The following GKAP1 variants were observed in gnomAD, a reference collection of about 807,000 sequenced individuals.
The protein encoded by GKAP1 is G kinase-anchoring protein 1.
A neutral mutation model predicts 56.7 loss-of-function variants in GKAP1; 31 were observed. That is an observed-to-expected ratio of 0.55 (90% CI 0.41 to 0.74). GKAP1 has a LOEUF of 0.74. GKAP1 is among the 30% of genes least tolerant of loss of function. The pLI is 0.00. For synonymous variants in GKAP1, 151 were observed against 138.6 expected (o/e 1.09, Z -0.63); for missense variants, 364 against 402.3 (o/e 0.90, Z 0.82).
intron 2 of GKAP1, among the ~76,000 whole-genome samples, chr9:83,807,067 AAAATAAAGAGCTT>A (rs1449457430): frequency 1.3e-5 from 2 of 152,204 alleles, no homozygotes; most frequent in African/African-American, 2.4e-5. Flanking sequence ...ACTGACAGCA[AAAATAAAGAGCTT>A]AAATTCTCTC....
At chr9:83,748,109 C>T (rs900739492) in intron 10 of GKAP1, among the ~76,000 whole-genome samples, 200 bp downstream of exon 10, 1 of 152,128 alleles carries the variant, frequency 6.6e-6, no homozygotes, top group African/African-American at 2.4e-5. Flanking sequence ...GGAACTCAAA[C>T]ATTTATCATT....
intron 3 of GKAP1, among the ~76,000 whole-genome samples, chr9:83,804,136 CCCGCA>C: frequency 6.6e-6 from 1 of 150,388 alleles, no homozygotes; most frequent in East Asian, 2.0e-4. Flanking sequence ...GGGTCAGCCC[CCCGCA>C]CGGCCAGCCG....
At chr9:83,765,396 A>T (rs777651697) in intron 8 of GKAP1, among the ~76,000 whole-genome samples, 3 of 152,212 alleles carry the variant, frequency 2.0e-5, no homozygotes, top group Non-Finnish European at 4.4e-5. Context: ...GGCAGTGTGG[A>T]AGGGAAATGT....
intron 3 of GKAP1, among the ~76,000 whole-genome samples, chr9:83,804,684 C>T (rs972747865): frequency 6.7e-6 from 1 of 149,080 alleles, no homozygotes; most frequent in Non-Finnish European, 1.5e-5. Flanking sequence ...GGGGGTCCAG[C>T]CCCCCGCCCG....
chr9:83,742,238 G>A (rs551684541), intron 11 of GKAP1, among the ~76,000 whole-genome samples: 1 of 142,836 alleles, frequency 7.0e-6, no homozygotes, highest in African/African-American at 2.5e-5. Context: ...AGGATGTGAA[G>A]GGGAGAAAAA....
intron 3 of GKAP1, among the ~76,000 whole-genome samples, chr9:83,804,878 C>T (rs1468955719): frequency 9.3e-5 from 14 of 149,872 alleles, no homozygotes; most frequent in Non-Finnish European, 1.6e-4. Context: ...CCAGCCGCCC[C>T]GTCCGGGAGG....
intron 1 of GKAP1, 161 bp from the exon 2 acceptor site, chr9:83,817,288 G>A (rs1268307761): frequency 4.0e-5 from 6 of 151,888 alleles, no homozygotes; most frequent in African/African-American, 1.2e-4. Flanking sequence ...GCCGGCCTGG[G>A]AGTCGGGTGC....
At chr9:83,758,435 T>C (rs757970240) in intron 8 of GKAP1, among the ~76,000 whole-genome samples, 1 of 152,146 alleles carries the variant, frequency 6.6e-6, no homozygotes, top group Non-Finnish European at 1.5e-5. Flanking sequence ...AAAAACACTA[T>C]TCAAAAATGA....
chr9:83,792,262 C>T (rs998226242), intron 4 of GKAP1, among the ~76,000 whole-genome samples: 1 of 152,112 alleles, frequency 6.6e-6, no homozygotes, highest in African/African-American at 2.4e-5. Flanking sequence ...AATTACTCTC[C>T]CATGTTGGAG....
intron 8 of GKAP1, among the ~76,000 whole-genome samples, chr9:83,765,280 A>T (rs991209154): frequency 6.6e-6 from 1 of 152,202 alleles, no homozygotes; most frequent in Non-Finnish European, 1.5e-5. Context: ...AAGGACTGAG[A>T]TTTGGGAACC....
At chr9:83,803,459 T>C (rs1040940155) in intron 3 of GKAP1, among the ~76,000 whole-genome samples, 1 of 152,204 alleles carries the variant, frequency 6.6e-6, no homozygotes, top group African/African-American at 2.4e-5. Flanking sequence ...TTCGCTGTGT[T>C]GGCCGGGCTG....
At chr9:83,774,638 C>T (rs866385012) in intron 7 of GKAP1, among the ~76,000 whole-genome samples, 9 of 146,184 alleles carry the variant, frequency 6.2e-5, no homozygotes, top group East Asian at 6.0e-4. Context: ...AACTGACAAA[C>T]GGGACCTAGT....
chr9:83,773,347 T>C (rs1349100486), intron 7 of GKAP1, among the ~76,000 whole-genome samples: 1 of 152,086 alleles, frequency 6.6e-6, no homozygotes, highest in Non-Finnish European at 1.5e-5. Context: ...AGTAGATCAG[T>C]GGTTGCCAGG....
rs1943214722 is a variant in GKAP1, at chr9:83,741,879, A to G, written c.1053+73T>C. ...TTTTGGCCTAAGAATAAAATACTGC[A>G]TTTATTCTCACACAGTATCTACTCC... On this transcript the variant is annotated intron_variant, in intron 12 of 12. Transcript: ENST00000376371. The G allele has an allele frequency of 3.6e-5, 32 of 887,294 alleles. 1 individual carries two copies. In the South Asian group the frequency reaches 4.8e-4, roughly 13 times the overall value. The allele number at this position is 887,294 out of a possible 1,614,324, so 55.0% of individuals were successfully genotyped here. A position where few individuals can be genotyped will look rare whatever the true frequency, so the allele number is the denominator to read the frequency against.
intron 8 of GKAP1, among the ~76,000 whole-genome samples, chr9:83,764,565 T>C (rs999174212): frequency 6.6e-5 from 10 of 151,776 alleles, no homozygotes; most frequent in African/African-American, 2.4e-4. Flanking sequence ...AATGTGGATA[T>C]GACTTTGGAA....
chr9:83,740,022 G>C (rs1022252867), intron 12 of GKAP1, among the ~76,000 whole-genome samples: 1 of 151,908 alleles, frequency 6.6e-6, no homozygotes, highest in Non-Finnish European at 1.5e-5. Flanking sequence ...AACTCATTTT[G>C]ACTGTTCTAG....
At chr9:83,799,780 C>G (rs1192667075) in intron 3 of GKAP1, among the ~76,000 whole-genome samples, 7 of 151,954 alleles carry the variant, frequency 4.6e-5, no homozygotes, top group Non-Finnish European at 1.0e-4. Flanking sequence ...GTGGCAAAAC[C>G]CAGTCTTCAC....
intron 8 of GKAP1, among the ~76,000 whole-genome samples, chr9:83,760,503 T>C (rs552484179): frequency 4.6e-5 from 7 of 152,284 alleles, no homozygotes; most frequent in African/African-American, 1.7e-4. Flanking sequence ...TAATCTGCAC[T>C]ATAAACCAAA....
At position 83,768,932 on chromosome 9, in the gene GKAP1, T is replaced by G; in HGVS notation, c.624A>C (p.Gly208=). 6.2e-7 allele frequency: 1 copy of G among 1,610,370 alleles called. No individual in the cohort carries two copies. The highest frequency in any genetic ancestry group is 8.5e-7 in the Non-Finnish European group (1 of 1,178,622). The part of the protein sequence containing the change: ...SSSQTLSHDG[G]FFNRLEDDVH... ...CATCATCTTCCAGTCTATTGAAGAA[T>G]CCTCCATCATGTGATAAAGTCTGAG... The change falls in exon 8 of 13, where the codon GGA becomes GGC. Residue 208 remains glycine (G), a synonymous_variant. Transcript: ENST00000376371.
Sources: allele counts gnomAD v4.1 joint callset (sites outside exome capture counted in the v4.1 genomes callset), GRCh38; gene constraint gnomAD v4.1.1; transcripts MANE v1.5; gene names NCBI Gene and HGNC (gene_info 2026-07-23, HGNC 2026-07-21).